PARD3: variants seen among roughly 807,000 people sequenced by gnomAD.
The protein encoded by PARD3 is par-3 family cell polarity regulator.
In PARD3, 75 loss-of-function variants were observed where a neutral mutation model predicts 155.4. That is an observed-to-expected ratio of 0.48 (90% CI 0.40 to 0.58). PARD3 has a LOEUF of 0.58. Ranked by LOEUF, PARD3 falls within the 20% of genes least tolerant of loss-of-function variation. PARD3 has a pLI of 0.00. For synonymous variants in PARD3, 576 were observed against 610.5 expected (o/e 0.94, Z 0.83); for missense variants, 1,642 against 1,721.7 (o/e 0.95, Z 0.82).
chr10:34,324,285 A>G (rs1171596038), intron 19 of PARD3, among the ~76,000 whole-genome samples: 1 of 152,226 alleles, frequency 6.6e-6, no homozygotes, highest in Non-Finnish European at 1.5e-5. Context: ...AACATAATCT[A>G]TATTGAGTGA....
intron 22 of PARD3, among the ~76,000 whole-genome samples, chr10:34,147,613 T>G (rs896575937): frequency 6.6e-6 from 1 of 151,962 alleles, no homozygotes; most frequent in Non-Finnish European, 1.5e-5. Context: ...AAAATTTGTC[T>G]CACAATGATA....
chr10:34,116,837 C>T (rs187550918), intron 24 of PARD3, among the ~76,000 whole-genome samples: 3 of 152,294 alleles, frequency 2.0e-5, no homozygotes, highest in African/African-American at 7.2e-5. Flanking sequence ...ACAGCGGAGG[C>T]ACTAGCGGTA....
chr10:34,572,448 T>C (rs1439857451), intron 2 of PARD3, among the ~76,000 whole-genome samples: 1 of 152,038 alleles, frequency 6.6e-6, no homozygotes, highest in Non-Finnish European at 1.5e-5. Flanking sequence ...AAGACCAGCC[T>C]GGCCAACATG....
chr10:34,383,648 T>A (rs954153448), intron 8 of PARD3, among the ~76,000 whole-genome samples: 1 of 152,194 alleles, frequency 6.6e-6, no homozygotes, highest in Non-Finnish European at 1.5e-5. Context: ...CCAACTGTTA[T>A]GTTTTTCATT....
intron 22 of PARD3, among the ~76,000 whole-genome samples, chr10:34,165,410 G>A (rs1404246190): frequency 1.3e-5 from 2 of 152,064 alleles, no homozygotes; most frequent in Admixed American, 1.3e-4. Context: ...ATTAAAATCA[G>A]GACACTTCGA....
At chr10:34,697,271 T>C (rs2094192389) in intron 1 of PARD3, among the ~76,000 whole-genome samples, 1 of 152,164 alleles carries the variant, frequency 6.6e-6, no homozygotes, top group African/African-American at 2.4e-5. Context: ...TATACTAAAT[T>C]GCATGTTTCA....
At chr10:34,289,003 C>T (rs624501) in intron 20 of PARD3, among the ~76,000 whole-genome samples, 10,053 of 152,196 alleles carry the variant, frequency 0.066, 995 homozygotes, top group African/African-American at 0.21. Context: ...ACTCTGTCAC[C>T]CGGGCTGGAG....
chr10:34,115,959 G>A (rs1453798617), intron 24 of PARD3, among the ~76,000 whole-genome samples: 1 of 152,096 alleles, frequency 6.6e-6, no homozygotes, highest in Non-Finnish European at 1.5e-5. Context: ...TGATCCGCCT[G>A]CCTCGGCATC....
intron 12 of PARD3, among the ~76,000 whole-genome samples, chr10:34,366,000 TTTAA>T (rs1839933449): frequency 6.6e-6 from 1 of 152,208 alleles, no homozygotes; most frequent in Non-Finnish European, 1.5e-5. Flanking sequence ...TACAAGTGAT[TTTAA>T]TTTTCTTCTA....
At chr10:34,215,987 G>C (rs1225157017) in intron 22 of PARD3, among the ~76,000 whole-genome samples, 1 of 152,102 alleles carries the variant, frequency 6.6e-6, no homozygotes, top group African/African-American at 2.4e-5. Flanking sequence ...AAAAATAATT[G>C]CTCTATGAAA....
At chr10:34,623,075 G>A (rs1189076322) in intron 2 of PARD3, among the ~76,000 whole-genome samples, 2 of 152,114 alleles carry the variant, frequency 1.3e-5, no homozygotes, top group Admixed American at 6.5e-5. Flanking sequence ...CCTGAAGGCA[G>A]AGTAAGAAAA....
intron 3 of PARD3, among the ~76,000 whole-genome samples, chr10:34,485,918 GTTTTTTTT>G (rs66906403): frequency 6.3e-5 from 6 of 95,790 alleles, no homozygotes; most frequent in African/African-American, 2.4e-4. Flanking sequence ...AACGTTTTGG[GTTTTTTTT>G]TTTTTTTTTT....
At chr10:34,444,435 A>G (rs1478639495) in intron 5 of PARD3, among the ~76,000 whole-genome samples, 1 of 152,222 alleles carries the variant, frequency 6.6e-6, no homozygotes, top group Non-Finnish European at 1.5e-5. Context: ...GGAAACAGTT[A>G]CCATTAAAAA....
At chr10:34,766,028 T>C (rs758103730) in intron 1 of PARD3, among the ~76,000 whole-genome samples, 8 of 152,142 alleles carry the variant, frequency 5.3e-5, no homozygotes, top group Non-Finnish European at 1.2e-4. Flanking sequence ...ACCACCCCAA[T>C]AGGGAATCTG....
chr10:34,780,999 C>T (rs1243256683), intron 1 of PARD3, among the ~76,000 whole-genome samples: 1 of 152,224 alleles, frequency 6.6e-6, no homozygotes, highest in African/African-American at 2.4e-5. Context: ...GGATGCATTT[C>T]CGCTTACTTT....
chr10:34,119,158 G>A (rs1419235872), intron 24 of PARD3, among the ~76,000 whole-genome samples: 1 of 152,146 alleles, frequency 6.6e-6, no homozygotes, highest in Non-Finnish European at 1.5e-5. Flanking sequence ...AGTGAGGTTT[G>A]GGACCATGGA....
At chr10:34,760,221 T>C (rs1837278345) in intron 1 of PARD3, among the ~76,000 whole-genome samples, 1 of 152,118 alleles carries the variant, frequency 6.6e-6, no homozygotes, top group African/African-American at 2.4e-5. Flanking sequence ...CAGTATTTAT[T>C]ATGTTGCCCA....
At chr10:34,281,194 G>C (rs1322080488) in intron 21 of PARD3, among the ~76,000 whole-genome samples, 1 of 152,146 alleles carries the variant, frequency 6.6e-6, no homozygotes, top group Non-Finnish European at 1.5e-5. Context: ...AACCTTTCAT[G>C]TGGTGGAAAT....
intron 2 of PARD3, among the ~76,000 whole-genome samples, chr10:34,628,655 AG>A: frequency 6.6e-6 from 1 of 152,360 alleles, no homozygotes; most frequent in Admixed American, 6.5e-5. Context: ...TGAGAGACAG[AG>A]GCCAGAAAGC....
Sources: allele counts gnomAD v4.1 joint callset (sites outside exome capture counted in the v4.1 genomes callset), GRCh38; gene constraint gnomAD v4.1.1; transcripts MANE v1.5; gene names NCBI Gene and HGNC (gene_info 2026-07-23, HGNC 2026-07-21).